ZNF354B: variants seen among roughly 807,000 people sequenced by gnomAD.
ZNF354B encodes the protein zinc finger protein 354B.
In ZNF354B, 10 loss-of-function variants were observed where a neutral mutation model predicts 12.9. That is an observed-to-expected ratio of 0.77 (90% confidence interval 0.48 to 1.31). ZNF354B has a LOEUF of 1.31. Among genes scored for constraint, ZNF354B ranks in the 40% most tolerant of loss-of-function variants. ZNF354B has a pLI of 0.00. For synonymous variants in ZNF354B, 260 were observed against 243.7 expected, an observed-to-expected ratio of 1.07 and a Z score of -0.62; for missense variants, 614 against 711.7, an observed-to-expected ratio of 0.86 and a Z score of 1.56.
chr5:178,874,287 A>G (rs1757604302), intron 4 of ZNF354B, among the ~76,000 whole-genome samples: 1 of 152,152 alleles, frequency 6.6e-6, no homozygotes, highest in South Asian at 2.1e-4. Context: ...TGGCCTCTCA[A>G]GCAAGGTTGG....
At position 178,882,956 on chromosome 5, in the gene ZNF354B, C is replaced by T; in HGVS notation, c.504C>T (p.Tyr168=). 6.2e-7 allele frequency: 1 copy of T among 1,605,020 alleles called. No individual in the cohort carries two copies. The highest frequency in any genetic ancestry group is 8.5e-7 in the Non-Finnish European group (1 of 1,177,840). Residue 168 remains tyrosine, a synonymous_variant, in exon 5 of 5, where the codon TAC becomes TAT. Coordinates refer to ENST00000322434, the MANE Select transcript of ZNF354B (RefSeq NM_058230.3). ...HKNVEFGQNF[Y]LKSVFIKQQR... is the part of the protein sequence containing the mutation. ...ATGTTGAATTTGGCCAAAACTTCTA[C>T]CTGAAATCAGTCTTCATTAAGCAAC...
intron 4 of ZNF354B, among the ~76,000 whole-genome samples, chr5:178,880,769 A>G (rs113513119): frequency 0.15 from 22,252 of 150,306 alleles, 2,014 homozygotes; most frequent in African/African-American, 0.25. Flanking sequence ...AGATTAAAGG[A>G]AGGAGCCACT....
At chr5:178,869,755 C>T (rs1260559105) in intron 4 of ZNF354B, among the ~76,000 whole-genome samples, 2 of 151,990 alleles carry the variant, frequency 1.3e-5, no homozygotes, top group Non-Finnish European at 2.9e-5. Flanking sequence ...TAAGAAAGGA[C>T]GTCAGAGCTG....
Position 178,882,852 on chromosome 5 carries a change from C to G in ZNF354B, c.400C>G (p.Gln134Glu). The change falls in exon 5 of 5, where the codon CAG (glutamine) becomes GAG (glutamate). Residue 134 changes from glutamine to glutamate, a missense_variant. By Grantham distance (29) the Gln-to-Glu change is conservative. Coordinates refer to ENST00000322434, the MANE Select transcript of ZNF354B (RefSeq NM_058230.3). ...CATATATGAAGAGAAATTAAAGAAA[C>G]AGCAGGACAAAAATGAAAATTTACA... Reference protein sequence around the residue: ...SCIYEEKLKKQQDKNENLQII... With the variant: ...SCIYEEKLKKEQDKNENLQII... 6.2e-7 allele frequency: 1 copy of G among 1,606,990 alleles called. No homozygotes were observed. The highest frequency in any genetic ancestry group is 8.5e-7 in the Non-Finnish European group (1 of 1,178,420).
chr5:178,874,940 A>G (rs1286255878), intron 4 of ZNF354B, among the ~76,000 whole-genome samples: 2 of 152,206 alleles, frequency 1.3e-5, no homozygotes, highest in Admixed American at 1.3e-4. Context: ...TGTTTTATGC[A>G]GGGTGTTTAT....
intron 2 of ZNF354B, 126 bp from the exon 3 acceptor site, chr5:178,866,118 G>C: frequency 7.3e-7 from 1 of 1,377,832 alleles, no homozygotes; most frequent in Non-Finnish European, 9.8e-7. Context: ...TTAAAGGAAT[G>C]ACCTGGAACC....
rs553590500 is a variant in ZNF354B at position 178,875,665 on chromosome 5, G to A, written c.257-7044G>A. 1.4e-3 allele frequency among the ~76,000 whole-genome samples: 215 copies of A among 152,342 alleles called. 1 individual carries two copies. The highest frequency in any genetic ancestry group is 2.1e-3 in the Non-Finnish European group (146 of 68,020). The stretch of plus-strand genomic sequence containing the variant: ...GGAATCTTCAGCCGAGGGGCGAGGT[G>A]GCTACCCTGCTGGCCTGAGGTGGGG... On this transcript the variant is annotated intron_variant, in intron 4 of 4. Coordinates refer to ENST00000322434, the MANE Select transcript of ZNF354B (RefSeq NM_058230.3).
At chr5:178,874,843 C>T (rs1158817540) in intron 4 of ZNF354B, among the ~76,000 whole-genome samples, 2 of 152,190 alleles carry the variant, frequency 1.3e-5, no homozygotes, top group African/African-American at 4.8e-5. Flanking sequence ...GGTTCTTTTT[C>T]ATCTGTGTGA....
Position 178,866,341 on chromosome 5 carries a change from T to A in ZNF354B, c.131T>A (p.Leu44Gln). Reference sequence around the variant, plus strand: ...AGAAACTTGTACCGGGATGTGATGCTGGAGAACTATAGGAACCTGGTCTCA... The same window carrying A: ...AGAAACTTGTACCGGGATGTGATGCAGGAGAACTATAGGAACCTGGTCTCA... ...SQRNLYRDVM[L>Q]ENYRNLVSLG... Residue 44 changes from leucine to glutamine, a missense_variant, in exon 3 of 5, where the codon CTG becomes CAG. Coordinates refer to ENST00000322434, the MANE Select transcript of ZNF354B (RefSeq NM_058230.3). 1.9e-6 allele frequency: 3 copies of A among 1,614,068 alleles called. No individual in the cohort carries two copies. Among genetic ancestry groups the A allele is most frequent in the Non-Finnish European group, 2.5e-6 (3 of 1,179,986 alleles).
At chr5:178,879,151 C>T (rs1236574935) in intron 4 of ZNF354B, among the ~76,000 whole-genome samples, 4 of 151,146 alleles carry the variant, frequency 2.6e-5, no homozygotes, top group Non-Finnish European at 5.9e-5. Flanking sequence ...CAGCTTCAAG[C>T]GATTCTCCTG....
intron 4 of ZNF354B, among the ~76,000 whole-genome samples, chr5:178,869,952 G>A (rs1757536858): frequency 6.6e-6 from 1 of 152,112 alleles, no homozygotes; most frequent in Admixed American, 6.6e-5. Context: ...TTCATTGAGA[G>A]CGTGGTTGAA....
intron 4 of ZNF354B, among the ~76,000 whole-genome samples, chr5:178,871,711 C>T (rs1006656835): frequency 2.6e-5 from 4 of 152,056 alleles, no homozygotes; most frequent in Non-Finnish European, 4.4e-5. Context: ...CCAGAGATGT[C>T]CAGGAGATAC....
chr5:178,880,275 C>CT (rs1477043521), intron 4 of ZNF354B, among the ~76,000 whole-genome samples: 6 of 151,368 alleles, frequency 4.0e-5, no homozygotes, highest in Non-Finnish European at 8.8e-5. Flanking sequence ...TCTTGGCTCA[C>CT]TGCAACCTCT....
chr5:178,864,323 T>C (rs1303013622), intron 2 of ZNF354B, among the ~76,000 whole-genome samples: 2 of 152,168 alleles, frequency 1.3e-5, no homozygotes, highest in African/African-American at 4.8e-5. Flanking sequence ...TTCTCTACAG[T>C]ATTCAGTACG....
chr5:178,869,361 T>G (rs888426629), intron 4 of ZNF354B, among the ~76,000 whole-genome samples: 1 of 152,176 alleles, frequency 6.6e-6, no homozygotes, highest in African/African-American at 2.4e-5. Context: ...ACACTTGTGT[T>G]TTTAATCTCC....
At position 178,883,332 on chromosome 5, in the gene ZNF354B, G is replaced by A. The variant is rs375883323; in HGVS notation, c.880G>A (p.Val294Met). ...SLCKHLRTHTVEKCYRCKECG... is the reference protein window; with the variant it reads ...SLCKHLRTHTMEKCYRCKECG... The stretch of plus-strand genomic sequence containing the variant: ...TTGTAAGCATTTAAGGACCCATACT[G>A]TGGAGAAATGCTATAGATGTAAAGA... The change falls in exon 5 of 5, where the codon GTG (valine) becomes ATG (methionine). Residue 294 changes from valine to methionine, a missense_variant. Physicochemically the swap from Val to Met is conservative, Grantham distance 21. Transcript: ENST00000322434. The A allele has an allele frequency of 2.0e-5, 32 of 1,613,982 alleles. No individual in the cohort carries two copies. The highest frequency in any genetic ancestry group is 2.7e-5 in the Non-Finnish European group (32 of 1,179,984).
At position 178,883,403 on chromosome 5, in the gene ZNF354B, A is replaced by G. The variant is rs750252042; in HGVS notation, c.951A>G (p.Gln317=). The G allele has an allele frequency of 6.2e-7, 1 of 1,614,130 alleles. No individual in the cohort carries two copies. The highest frequency in any genetic ancestry group is 1.7e-5 in the Admixed American group (1 of 60,020). ...FSRRSGLFIH[Q]KIHAQENPHK... The stretch of plus-strand genomic sequence containing the variant: ...GAAGGTCTGGGCTTTTTATACATCA[A>G]AAAATCCATGCTCAAGAAAATCCCC... The change falls in exon 5 of 5, where the codon CAA becomes CAG. Residue 317 remains glutamine (Q), a synonymous_variant. Coordinates refer to ENST00000322434, the MANE Select transcript of ZNF354B (RefSeq NM_058230.3).
intron 4 of ZNF354B, among the ~76,000 whole-genome samples, chr5:178,872,819 C>A (rs1307370665): frequency 6.6e-6 from 1 of 152,080 alleles, no homozygotes; most frequent in East Asian, 1.9e-4. Context: ...CAGAGTCTTG[C>A]TCTGTCACCC....
At chr5:178,879,668 C>T (rs913200332) in intron 4 of ZNF354B, among the ~76,000 whole-genome samples, 6 of 152,110 alleles carry the variant, frequency 3.9e-5, no homozygotes, top group African/African-American at 1.2e-4. Flanking sequence ...TGTGAGCCGC[C>T]GTGCCTGGCC....
Sources: gnomAD v4.1 joint callset for allele counts (sites outside exome capture counted in the v4.1 genomes callset) on GRCh38, gnomAD v4.1.1 for gene constraint, MANE v1.5 for transcripts, NCBI Gene and HGNC (gene_info 2026-07-23, HGNC 2026-07-21) for gene names.